DNAAF5: variants seen among roughly 807,000 people sequenced by gnomAD.
DNAAF5 encodes dynein axonemal assembly factor 5.
DNAAF5 carries 64 observed loss-of-function variants against 75.8 expected under a neutral mutation model. The observed-to-expected ratio is 0.84, with a 90% confidence interval of 0.69 to 1.04. The LOEUF is 1.04. DNAAF5 is among the 50% of genes least tolerant of loss of function. The probability of loss-of-function intolerance (pLI) is 0.00; values close to 1 mark genes in which losing one functional copy is unlikely to be tolerated. For missense variants in DNAAF5, 1,269 were observed against 1,178.5 expected, an observed-to-expected ratio of 1.08 and a Z score of -1.12; for synonymous variants, 657 against 557.2, an observed-to-expected ratio of 1.18 and a Z score of -2.52.
chr7:771,137 C>T (rs1325936949), intron 9 of DNAAF5: 1 of 152,376 alleles, frequency 6.6e-6, no homozygotes, highest in Non-Finnish European at 1.5e-5. Context: ...TAACAAACAA[C>T]TGATTGAATT....
At chr7:731,289 C>T (rs1016805828) in intron 2 of DNAAF5, among the ~76,000 whole-genome samples, 1 of 152,164 alleles carries the variant, frequency 6.6e-6, no homozygotes, top group African/African-American at 2.4e-5. Flanking sequence ...ATAACCATCA[C>T]TGTCTAAAAA....
intron 4 of DNAAF5, among the ~76,000 whole-genome samples, chr7:743,801 C>T (rs146307959): frequency 0.14 from 21,160 of 151,498 alleles, 1,696 homozygotes; most frequent in East Asian, 0.28. Context: ...CTCACCACCA[C>T]GCCCAGCTAA....
At chr7:758,193 G>A (rs925023650) in intron 6 of DNAAF5, among the ~76,000 whole-genome samples, 2 of 152,218 alleles carry the variant, frequency 1.3e-5, no homozygotes, top group Admixed American at 1.3e-4. Flanking sequence ...GGGGTTATGA[G>A]GATGCCTTTG....
intron 8 of DNAAF5, 65 bp from the exon 9 acceptor site, chr7:770,405 GT>G: frequency 2.0e-6 from 3 of 1,526,824 alleles, no homozygotes; most frequent in Non-Finnish European, 2.7e-6. Flanking sequence ...GCCTGGGCCT[GT>G]GCTGGATGGG....
intron 7 of DNAAF5, 103 bp from the exon 8 acceptor site, chr7:763,703 C>T (rs1359299942): frequency 2.3e-6 from 3 of 1,316,972 alleles, no homozygotes; most frequent in African/African-American, 1.4e-5. Context: ...CAGGCCCGGC[C>T]TGTGTGGTTC....
chr7:765,478 G>A (rs144322320), intron 8 of DNAAF5, among the ~76,000 whole-genome samples: 12 of 152,304 alleles, frequency 7.9e-5, no homozygotes, highest in African/African-American at 2.6e-4. Flanking sequence ...CCCGAGAGAC[G>A]TGGCTTGCAG....
intron 4 of DNAAF5, among the ~76,000 whole-genome samples, chr7:751,887 T>A (rs74357557): frequency 0.013 from 2,016 of 152,232 alleles, 23 homozygotes; most frequent in Non-Finnish European, 0.02. Context: ...ATTTTGAAGA[T>A]CAGAATCTTT....
Position 741,293 on chromosome 7 carries a change from G to GCCTCCCCTGCGT in DNAAF5, c.906-53_906-42dup. On this transcript the variant is annotated intron_variant, in intron 3 of 12. Transcript: ENST00000297440. ...ACCCGTGTCCTGGCGCAGCCCTGCG[G>GCCTCCCCTGCGT]CCTCCCCTGCGTGCCCTGCCCTGAG... 2.9e-6 allele frequency: 4 copies of GCCTCCCCTGCGT among 1,361,240 alleles called. No individual in the cohort carries two copies. The South Asian group carries it at 5.0e-5, about 17-fold the overall frequency. 84.3% of individuals were successfully genotyped at this position (1,361,240 alleles called of 1,614,324 possible).
At position 741,668 on chromosome 7, in the gene DNAAF5, A is replaced by C. The variant is rs180794241; in HGVS notation, c.1024+203A>C. On this transcript the variant is annotated intron_variant, in intron 4 of 12. Transcript: ENST00000297440. ...TCTCCTCAGCATCTGGAGAGCCCCCATGTGCCTTGCAGTGACCTCTCCCCT... is the reference window on the plus strand; with the variant it reads ...TCTCCTCAGCATCTGGAGAGCCCCCCTGTGCCTTGCAGTGACCTCTCCCCT... Among the ~76,000 whole-genome samples, 488 of 152,240 alleles carry C rather than the reference A, an allele frequency of 3.2e-3. 5 individuals carry two copies. Among genetic ancestry groups the C allele is most frequent in the Non-Finnish European group, 7.9e-4 (54 of 68,010 alleles).
In DNAAF5 at chr7:764,069, C is replaced by T. The variant is rs1168838968; in HGVS notation, c.1783+95C>T. The T allele has an allele frequency of 2.9e-6, 4 of 1,364,588 alleles. No individual in the cohort carries two copies. In the African/African-American group the frequency reaches 5.7e-5, roughly 19 times the overall value. 84.5% of individuals were successfully genotyped at this position (1,364,588 alleles called of 1,614,324 possible). A position where few individuals can be genotyped will look rare whatever the true frequency, so the allele number is the denominator to read the frequency against. On this transcript the variant is annotated intron_variant, in intron 8 of 12. Transcript: ENST00000297440. ...CTCAGCAGGTACCAGCGCCGACCAG[C>T]TGAGCTGTGGTTCACTGAAGCGTGT...
chr7:729,564 G>A, intron 1 of DNAAF5, 99 bp from the exon 2 acceptor site: 1 of 1,132,918 alleles, frequency 8.8e-7, no homozygotes, highest in East Asian at 2.6e-5. Flanking sequence ...GAAGGGAGGT[G>A]AGGAACTCAT....
chr7:737,934 G>C (rs899177020), intron 2 of DNAAF5, among the ~76,000 whole-genome samples: 9 of 152,126 alleles, frequency 5.9e-5, no homozygotes, highest in Non-Finnish European at 1.3e-4. Context: ...TAGCCTTCTT[G>C]TACTTCAGTG....
At chr7:765,761 T>TA (rs1480029330) in intron 8 of DNAAF5, among the ~76,000 whole-genome samples, 2 of 152,170 alleles carry the variant, frequency 1.3e-5, no homozygotes, top group African/African-American at 4.8e-5. Flanking sequence ...AGTGCAGTGG[T>TA]ACGATCACAG....
intron 2 of DNAAF5, among the ~76,000 whole-genome samples, chr7:738,647 G>A (rs1178503149): frequency 1.3e-5 from 2 of 152,102 alleles, no homozygotes; most frequent in African/African-American, 4.8e-5. Flanking sequence ...GTTCAGTGCT[G>A]TTTTTGAACT....
intron 11 of DNAAF5, among the ~76,000 whole-genome samples, chr7:777,994 C>T (rs559734446): frequency 1.7e-3 from 252 of 152,308 alleles, no homozygotes; most frequent in Middle Eastern, 6.8e-3. Context: ...GCCTCAGAAT[C>T]TTCCAGAACT....
At chr7:761,647 C>G in intron 6 of DNAAF5, 106 bp from the exon 7 acceptor site, 2 of 1,224,584 alleles carry the variant, frequency 1.6e-6, no homozygotes, top group Non-Finnish European at 2.2e-6. Flanking sequence ...CACAGGGTCC[C>G]TCCCAGGATA....
chr7:770,769 C>T lies in DNAAF5; in HGVS notation c.1931+151C>T, dbSNP rs187109966. The T allele has an allele frequency of 1.8e-3, 1,322 of 738,086 alleles. 6 individuals carry two copies. Among genetic ancestry groups the T allele is most frequent in the Non-Finnish European group, 2.5e-3 (1,199 of 474,816 alleles). The allele number at this position is 738,086 out of a possible 1,614,324, so 45.7% of individuals were successfully genotyped here. A position where few individuals can be genotyped will look rare whatever the true frequency, so the allele number is the denominator to read the frequency against. On this transcript the variant is annotated intron_variant, in intron 9 of 12. Coordinates refer to ENST00000297440, the MANE Select transcript of DNAAF5 (RefSeq NM_017802.4). ...AGGGGTTCCCCATCTCCCTCCCCCACACTGAGTCAAAGGTGGGCCGGGGGT... is the reference window on the plus strand; with the variant it reads ...AGGGGTTCCCCATCTCCCTCCCCCATACTGAGTCAAAGGTGGGCCGGGGGT...
At chr7:752,967 G>A (rs548528961) in intron 4 of DNAAF5, among the ~76,000 whole-genome samples, 6 of 152,342 alleles carry the variant, frequency 3.9e-5, no homozygotes, top group East Asian at 3.9e-4. Context: ...GACGCTCGGC[G>A]TCGTTAGTCA....
intron 4 of DNAAF5, among the ~76,000 whole-genome samples, chr7:752,314 G>A (rs989662028): frequency 1.8e-4 from 28 of 152,068 alleles, no homozygotes; most frequent in Non-Finnish European, 2.8e-4. Context: ...ACAGTGGGCC[G>A]GGCCACACTT....
Sources: allele counts gnomAD v4.1 joint callset (sites outside exome capture counted in the v4.1 genomes callset), GRCh38; gene constraint gnomAD v4.1.1; transcripts MANE v1.5; gene names NCBI Gene and HGNC (gene_info 2026-07-23, HGNC 2026-07-21).